The following ETV3 variants were observed in gnomAD, a reference collection of about 807,000 sequenced individuals.
The protein encoded by ETV3 is ETS variant transcription factor 3.
In ETV3, 8 loss-of-function variants were observed where a neutral mutation model predicts 33.0. The observed-to-expected ratio is 0.24, with a 90% CI of 0.14 to 0.44. The LOEUF (loss-of-function observed/expected upper bound fraction) is 0.44, where lower values mean the gene tolerates loss of function less well. Ranked by LOEUF, ETV3 falls within the 20% of genes least tolerant of loss-of-function variation. ETV3 has a pLI of 1.00. For missense variants in ETV3, 473 were observed against 652.3 expected (o/e 0.73, Z 2.99); for synonymous variants, 222 against 238.9 (o/e 0.93, Z 0.65).
At chr1:157,137,271 G>A (rs542716786) in intron 1 of ETV3, among the ~76,000 whole-genome samples, 1 of 152,134 alleles carries the variant, frequency 6.6e-6, no homozygotes, top group African/African-American at 2.4e-5. Flanking sequence ...TGTTCCCCAG[G>A]GTGGATGACA....
At position 157,125,525 on chromosome 1, in the gene ETV3, G is replaced by C; in HGVS notation, c.855C>G (p.Phe285Leu). 6.4e-7 allele frequency: 1 copy of C among 1,552,144 alleles called. No homozygotes were observed. ...SYSPSPGLSPFTSSSCFSFNP... is the reference protein window; with the variant it reads ...SYSPSPGLSPLTSSSCFSFNP... ...TGAAGGAGAAGCAGCTGCTGCTGGTGAAAGGGCTCAGGCCTGGTGATGGGC... is the reference window on the plus strand; with the variant it reads ...TGAAGGAGAAGCAGCTGCTGCTGGTCAAAGGGCTCAGGCCTGGTGATGGGC... The change falls in exon 5 of 5, where the codon TTC becomes TTG. Residue 285 changes from phenylalanine (F) to leucine (L), a missense_variant. Physicochemically the swap from Phe to Leu is conservative, Grantham distance 22. Coordinates refer to ENST00000368192, the MANE Select transcript of ETV3 (RefSeq NM_001145312.3). This position sits in a 1 kb window ranked among gnomAD's most constrained non-coding sequence, Gnocchi z 4.0.
Position 157,125,531 on chromosome 1 carries a change from G to T in ETV3, c.849C>A (p.Ser283Arg). The change falls in exon 5 of 5, where the codon AGC becomes AGA. Residue 283 changes from serine to arginine, a missense_variant. Transcript: ENST00000368192. The surrounding 1 kb of genome is among the most constrained non-coding windows in gnomAD (Gnocchi z 4.0). Reference sequence around the variant, plus strand: ...AGAAGCAGCTGCTGCTGGTGAAAGGGCTCAGGCCTGGTGATGGGCTATAGG... The same window carrying T: ...AGAAGCAGCTGCTGCTGGTGAAAGGTCTCAGGCCTGGTGATGGGCTATAGG... ...IFSYSPSPGL[S>R]PFTSSSCFSF... 1 of 1,552,084 alleles carries T rather than the reference G, an allele frequency of 6.4e-7. No individual in the cohort carries two copies. Among genetic ancestry groups the T allele is most frequent in the Non-Finnish European group, 8.7e-7 (1 of 1,147,070 alleles).
At position 157,125,810 on chromosome 1, in the gene ETV3, C is replaced by T. The variant is rs755808391; in HGVS notation, c.570G>A (p.Glu190=). 4.4e-5 allele frequency: 68 copies of T among 1,551,718 alleles called. No individual in the cohort carries two copies. The highest frequency in any genetic ancestry group is 3.3e-4 in the Middle Eastern group (2 of 5,992). Residue 190 remains glutamate (E), a synonymous_variant, in exon 5 of 5, where the codon GAG becomes GAA. Transcript: ENST00000368192. This position sits in a 1 kb window ranked among gnomAD's most constrained non-coding sequence, Gnocchi z 4.0. ...ESSNGTDRKT[E]LSELEDGSAA... Reference sequence around the variant, plus strand: ...CTGAGCCATCCTCCAGCTCTGAAAGCTCAGTCTTTCTATCAGTACCATTAC... The same window carrying T: ...CTGAGCCATCCTCCAGCTCTGAAAGTTCAGTCTTTCTATCAGTACCATTAC...
chr1:157,127,376 A>G (rs990714156), intron 4 of ETV3, among the ~76,000 whole-genome samples: 1 of 152,112 alleles, frequency 6.6e-6, no homozygotes, highest in Non-Finnish European at 1.5e-5. Flanking sequence ...ATCTCTCCAA[A>G]TCTATATTCC....
chr1:157,125,334 G>T lies in ETV3; in HGVS notation c.1046C>A (p.Pro349Gln). Reference protein sequence around the residue: ...STQFSIKLQPPPVGRKNRERV... With the variant: ...STQFSIKLQPQPVGRKNRERV... ...CTCCCGGTTCTTCCGCCCAACTGGT[G>T]GGGGCTGCAGCTTGATGGAGAACTG... Residue 349 changes from proline to glutamine, a missense_variant, in exon 5 of 5, where the codon CCA becomes CAA. Pro to Gln is a moderately conservative substitution (Grantham distance 76, BLOSUM62 -1). Around this residue, in one of 3 missense-constraint regions of ETV3, gnomAD observed 410 missense variants for 520.2 expected, o/e 0.79. Coordinates refer to ENST00000368192, the MANE Select transcript of ETV3 (RefSeq NM_001145312.3). The surrounding 1 kb of genome is among the most constrained non-coding windows in gnomAD (Gnocchi z 4.0). 6.4e-7 allele frequency: 1 copy of T among 1,551,944 alleles called. No homozygotes were observed.
Position 157,128,272 on chromosome 1 carries a change from T to G in ETV3, c.401-2293A>C, listed in dbSNP as rs184651815. On this transcript the variant is annotated intron_variant, in intron 4 of 4. Coordinates refer to ENST00000368192, the MANE Select transcript of ETV3 (RefSeq NM_001145312.3). Reference sequence around the variant, plus strand: ...ACAGAAAACTGTTCTGCAGGACTTTTTTTTTTTTAAGCCACTGATTTAGAG... The same window carrying G: ...ACAGAAAACTGTTCTGCAGGACTTTGTTTTTTTTAAGCCACTGATTTAGAG... The G allele has an allele frequency of 4.3e-3, 678 of 157,576 alleles. 5 individuals carry two copies. The highest frequency in any genetic ancestry group is 6.0e-3 in the Non-Finnish European group (428 of 71,374). 9.8% of individuals were successfully genotyped at this position (157,576 alleles called of 1,614,324 possible). A position where few individuals can be genotyped will look rare whatever the true frequency, so the allele number is the denominator to read the frequency against.
Position 157,124,769 on chromosome 1 carries a change from C to CT in ETV3, c.*71dup. ...CCAGTTTAACTCCCTCCCCCCCACC[C>CT]TGAAATCTTGCTACATAAATACATG... is the stretch of plus-strand genomic sequence containing the variant. On this transcript the variant is annotated 3_prime_UTR_variant, in exon 5 of 5. Transcript: ENST00000368192. 1 of 694,886 alleles carries CT rather than the reference C, an allele frequency of 1.4e-6. No homozygotes were observed. The allele number at this position is 694,886 out of a possible 1,614,324, so 43.0% of individuals were successfully genotyped here. A position where few individuals can be genotyped will look rare whatever the true frequency, so the allele number is the denominator to read the frequency against.
rs1421326586 is a variant in ETV3, at chr1:157,125,499, T to C, written c.881A>G (p.Asn294Ser). The C allele has an allele frequency of 2.6e-6, 4 of 1,551,834 alleles. No individual in the cohort carries two copies. Among genetic ancestry groups the C allele is most frequent in the African/African-American group, 1.4e-5 (1 of 72,900 alleles). Residue 294 changes from asparagine (N) to serine (S), a missense_variant, in exon 5 of 5, where the codon AAC (asparagine) becomes AGC (serine). By Grantham distance (46) the Asn-to-Ser change is conservative. Coordinates refer to ENST00000368192, the MANE Select transcript of ETV3 (RefSeq NM_001145312.3). The surrounding 1 kb of genome is among the most constrained non-coding windows in gnomAD (Gnocchi z 4.0). ...PFTSSSCFSF[N>S]PEEMKHYLHS... ...AAGGTAGTGTTTCATTTCCTCAGGG[T>C]TGAAGGAGAAGCAGCTGCTGCTGGT...
Position 157,125,419 on chromosome 1 carries a change from G to A in ETV3, c.961C>T (p.Arg321Cys), listed in dbSNP as rs779086898. Residue 321 changes from arginine to cysteine, a missense_variant, in exon 5 of 5, where the codon CGT becomes TGT. Arg to Cys is a radical substitution (Grantham distance 180). Coordinates refer to ENST00000368192, the MANE Select transcript of ETV3 (RefSeq NM_001145312.3). The surrounding 1 kb of genome is among the most constrained non-coding windows in gnomAD (Gnocchi z 4.0). The part of the protein sequence containing the change: ...NYHLSPRTFP[R>C]YPGLMVPPLQ... ...GGTGGAACCATGAGCCCTGGGTAAC[G>A]GGGAAAAGTCCGAGGACTCAGATGG... is the stretch of plus-strand genomic sequence containing the variant. 1.1e-5 allele frequency: 17 copies of A among 1,552,074 alleles called. No individual in the cohort carries two copies. Among genetic ancestry groups the A allele is most frequent in the African/African-American group, 8.2e-5 (6 of 73,024 alleles).
At position 157,121,501 on chromosome 1, in the gene ETV3, A is replaced by G. The variant is rs1674710265; in HGVS notation, c.*3340T>C. The G allele has an allele frequency of 6.6e-6, 1 of 152,230 alleles. No homozygotes were observed. The highest frequency in any genetic ancestry group is 1.5e-5 in the Non-Finnish European group (1 of 68,042). The allele number at this position is 152,230 out of a possible 1,614,324, so 9.4% of individuals were successfully genotyped here. Reference sequence around the variant, plus strand: ...TTTCACATGTAAATGTCTCATTCACAAATCCCTGCATCACAATTCTATAAC... The same window carrying G: ...TTTCACATGTAAATGTCTCATTCACGAATCCCTGCATCACAATTCTATAAC... On this transcript the variant is annotated 3_prime_UTR_variant, in exon 5 of 5. Coordinates refer to ENST00000368192, the MANE Select transcript of ETV3 (RefSeq NM_001145312.3).
At chr1:157,137,509 A>AC (rs1675145772) in intron 1 of ETV3, among the ~76,000 whole-genome samples, 34 of 145,088 alleles carry the variant, frequency 2.3e-4, no homozygotes, top group African/African-American at 7.2e-4. Context: ...GACAAGGAAA[A>AC]ACACACACAC....
intron 1 of ETV3, among the ~76,000 whole-genome samples, chr1:157,137,777 C>T (rs1675155865): frequency 6.6e-6 from 1 of 152,094 alleles, no homozygotes; most frequent in South Asian, 2.1e-4. Context: ...CAACGATAAC[C>T]TGACAAGGAA....
chr1:157,136,727 A>G (rs1209256538), intron 1 of ETV3, among the ~76,000 whole-genome samples: 2 of 152,382 alleles, frequency 1.3e-5, no homozygotes, highest in Admixed American at 6.5e-5. Context: ...CAAGTCAAAC[A>G]GTTTGTCTTC....
chr1:157,125,442 T>C lies in ETV3; in HGVS notation c.938A>G (p.His313Arg), dbSNP rs1371252211. The C allele has an allele frequency of 6.4e-7, 1 of 1,552,166 alleles. No individual in the cohort carries two copies. The change falls in exon 5 of 5, where the codon CAT (histidine) becomes CGT (arginine). Residue 313 changes from histidine to arginine, a missense_variant. By Grantham distance (29) the His-to-Arg change is conservative. Around this residue, in one of 3 missense-constraint regions of ETV3, gnomAD observed 410 missense variants for 520.2 expected, o/e 0.79. Coordinates refer to ENST00000368192, the MANE Select transcript of ETV3 (RefSeq NM_001145312.3). This position sits in a 1 kb window ranked among gnomAD's most constrained non-coding sequence, Gnocchi z 4.0. ...ACGGGGAAAAGTCCGAGGACTCAGA[T>C]GGTAGTTGAACACAGAACAAGCTTG... ...HSQACSVFNY[H>R]LSPRTFPRYP...
At chr1:157,135,110 A>G (rs1675067415) in intron 3 of ETV3, 1 of 284,424 alleles carries the variant, frequency 3.5e-6, no homozygotes, top group Non-Finnish European at 6.6e-6. Context: ...AAGCCCAAAG[A>G]AAGAAATTCT....
At chr1:157,129,292 T>C (rs1383196189) in intron 4 of ETV3, among the ~76,000 whole-genome samples, 1 of 152,258 alleles carries the variant, frequency 6.6e-6, no homozygotes, top group African/African-American at 2.4e-5. Context: ...AGGTGATCTA[T>C]AGGATCAGAT....
At chr1:157,134,649 T>C (rs1376932997) in intron 3 of ETV3, among the ~76,000 whole-genome samples, 1 of 152,214 alleles carries the variant, frequency 6.6e-6, no homozygotes, top group East Asian at 1.9e-4. Flanking sequence ...TCTGGAGGCC[T>C]AAGCTCAAAA....
At position 157,123,035 on chromosome 1, in the gene ETV3, T is replaced by C. The variant is rs185117361; in HGVS notation, c.*1806A>G. The stretch of plus-strand genomic sequence containing the variant: ...TCCCTCTCTTGTGCAAGCACTGTAG[T>C]TTAAAAAGGAAAAAACACCCCCCAC... On this transcript the variant is annotated 3_prime_UTR_variant, in exon 5 of 5. Coordinates refer to ENST00000368192, the MANE Select transcript of ETV3 (RefSeq NM_001145312.3). 6.6e-6 allele frequency: 1 copy of C among 152,298 alleles called. No individual in the cohort carries two copies. Among genetic ancestry groups the C allele is most frequent in the East Asian group, 1.9e-4 (1 of 5,188 alleles). The allele number at this position is 152,298 out of a possible 1,614,324, so 9.4% of individuals were successfully genotyped here.
chr1:157,136,211 C>T (rs1558032721), intron 2 of ETV3, 96 bp downstream of exon 2: 1 of 1,194,766 alleles, frequency 8.4e-7, no homozygotes, highest in Non-Finnish European at 1.2e-6. Context: ...GAGTGTCAGT[C>T]ATGGTCTGAC....
Sources: gnomAD v4.1 joint callset for allele counts (sites outside exome capture counted in the v4.1 genomes callset) on GRCh38, gnomAD v4.1.1 for gene constraint, gnomAD v4.1.1 regional missense constraint, Gnocchi (gnomAD v3.1) non-coding constraint, MANE v1.5 for transcripts, NCBI Gene and HGNC (gene_info 2026-07-23, HGNC 2026-07-21) for gene names.